Variants in ENDOD1 observed in about 807,000 individuals in gnomAD.
ENDOD1 encodes endonuclease domain containing 1.
A neutral mutation model predicts 6.5 loss-of-function variants in ENDOD1; 9 were observed. The observed-to-expected ratio is 1.39, with a 90% confidence interval of 0.84 to 2.43. The LOEUF (loss-of-function observed/expected upper bound fraction) is 2.43, where lower values mean the gene tolerates loss of function less well. Ranked by LOEUF, ENDOD1 falls within the 30% of genes most tolerant of loss-of-function variation. ENDOD1 has a pLI of 0.00. For synonymous variants in ENDOD1, 255 were observed against 255.2 expected, an observed-to-expected ratio of 1.00 and a Z score of 0.01; for missense variants, 648 against 635.5, an observed-to-expected ratio of 1.02 and a Z score of -0.21.
chr11:95,107,732 C>T (rs1555111555), intron 1 of ENDOD1, among the ~76,000 whole-genome samples: 1 of 152,074 alleles, frequency 6.6e-6, no homozygotes, highest in Non-Finnish European at 1.5e-5. Context: ...GCGATCTCGG[C>T]TCACTGCAAC....
At position 95,130,746 on chromosome 11, in the gene ENDOD1, A is replaced by G. The variant is rs1859363307; in HGVS notation, c.*1167A>G. 1 of 152,230 alleles carries G rather than the reference A, an allele frequency of 6.6e-6. No individual in the cohort carries two copies. Among genetic ancestry groups the G allele is most frequent in the African/African-American group, 2.4e-5 (1 of 41,470 alleles). 9.4% of individuals were successfully genotyped at this position (152,230 alleles called of 1,614,324 possible). A position where few individuals can be genotyped will look rare whatever the true frequency, so the allele number is the denominator to read the frequency against. On this transcript the variant is annotated 3_prime_UTR_variant, in exon 2 of 2. Transcript: ENST00000278505. ...ATTTTTACAGTGTGTTTGAGGCTAC[A>G]AACATAACTCCCCCATTAATACAAA...
intron 1 of ENDOD1, among the ~76,000 whole-genome samples, chr11:95,127,804 G>A (rs772799903): frequency 6.6e-6 from 1 of 151,620 alleles, no homozygotes; most frequent in South Asian, 2.1e-4. Flanking sequence ...CTGTTGCCCC[G>A]GCTGGAGTAA....
intron 1 of ENDOD1, among the ~76,000 whole-genome samples, chr11:95,111,773 G>A (rs1307981892): frequency 6.6e-6 from 1 of 152,134 alleles, no homozygotes; most frequent in African/African-American, 2.4e-5. Context: ...ACCAGTACTG[G>A]TCCATGGCCC....
chr11:95,117,074 A>G (rs1441471515), intron 1 of ENDOD1, among the ~76,000 whole-genome samples: 1 of 152,150 alleles, frequency 6.6e-6, no homozygotes, highest in Non-Finnish European at 1.5e-5. Context: ...ATCTTTAGCT[A>G]TTGTTGTATT....
chr11:95,103,920 A>G (rs1383398301), intron 1 of ENDOD1, among the ~76,000 whole-genome samples: 2 of 152,162 alleles, frequency 1.3e-5, no homozygotes, highest in African/African-American at 4.8e-5. Context: ...GACAGCTAGG[A>G]TGAGTGTAAT....
At chr11:95,114,926 A>G (rs1334751793) in intron 1 of ENDOD1, among the ~76,000 whole-genome samples, 1 of 152,124 alleles carries the variant, frequency 6.6e-6, no homozygotes, top group African/African-American at 2.4e-5. Context: ...GTCAGGTAGT[A>G]TGATTCCTCC....
At chr11:95,103,728 G>A (rs1028617730) in intron 1 of ENDOD1, among the ~76,000 whole-genome samples, 6 of 152,186 alleles carry the variant, frequency 3.9e-5, no homozygotes, top group Non-Finnish European at 8.8e-5. Context: ...ATCTCTTAGA[G>A]CTCAGTTCCC....
intron 1 of ENDOD1, among the ~76,000 whole-genome samples, chr11:95,113,153 T>C (rs1555112121): frequency 2.6e-5 from 4 of 152,154 alleles, no homozygotes; most frequent in African/African-American, 7.2e-5. Flanking sequence ...ACATGAGATA[T>C]TTTGATACAG....
Position 95,090,176 on chromosome 11 carries a change from C to G in ENDOD1, c.249C>G (p.Ala83=), listed in dbSNP as rs1191558313. 7.0e-7 allele frequency: 1 copy of G among 1,432,698 alleles called. No individual in the cohort carries two copies. The highest frequency in any genetic ancestry group is 1.5e-5 in the African/African-American group (1 of 67,882). The allele number at this position is 1,432,698 out of a possible 1,614,324, so 88.7% of individuals were successfully genotyped here. Residue 83 remains alanine (A), a synonymous_variant, in exon 1 of 2, where the codon GCC becomes GCG. Transcript: ENST00000278505. ...DRIPVYSAFR[A]PRPAPGGAEQ... Reference sequence around the variant, plus strand: ...TCCCCGTGTACTCCGCGTTCCGCGCCCCGCGCCCTGCGCCCGGCGGCGCCG... The same window carrying G: ...TCCCCGTGTACTCCGCGTTCCGCGCGCCGCGCCCTGCGCCCGGCGGCGCCG...
chr11:95,104,462 A>G (rs1555111248), intron 1 of ENDOD1, among the ~76,000 whole-genome samples: 1 of 151,866 alleles, frequency 6.6e-6, no homozygotes, highest in African/African-American at 2.4e-5. Context: ...AAAAAAAAAA[A>G]AAAAGAAAGA....
At chr11:95,099,105 G>A (rs977949237) in intron 1 of ENDOD1, among the ~76,000 whole-genome samples, 1 of 152,184 alleles carries the variant, frequency 6.6e-6, no homozygotes, top group African/African-American at 2.4e-5. Flanking sequence ...CCATTGGGCC[G>A]AGGGTGCTCT....
chr11:95,094,489 A>G (rs1021740319), intron 1 of ENDOD1, among the ~76,000 whole-genome samples: 1 of 152,182 alleles, frequency 6.6e-6, no homozygotes, highest in East Asian at 1.9e-4. Context: ...TGGCTGCATA[A>G]AGGTTGCTCA....
Position 95,089,921 on chromosome 11 carries a change from G to A in ENDOD1, c.-7G>A. 7.2e-7 allele frequency: 1 copy of A among 1,380,046 alleles called. No individual in the cohort carries two copies. Among genetic ancestry groups the A allele is most frequent in the Non-Finnish European group, 9.4e-7 (1 of 1,061,186 alleles). The allele number at this position is 1,380,046 out of a possible 1,614,324, so 85.5% of individuals were successfully genotyped here. On this transcript the variant is annotated 5_prime_UTR_variant, in exon 1 of 2. Transcript: ENST00000278505. ...CGCTCGGCCCCGCCGCGCTCGCAGA[G>A]GCCGCCATGGGCACCGCGCGCTGGC...
intron 1 of ENDOD1, among the ~76,000 whole-genome samples, chr11:95,096,337 G>T (rs1411328020): frequency 7.6e-6 from 1 of 131,234 alleles, no homozygotes; most frequent in Non-Finnish European, 1.6e-5. Context: ...ATCTGTCATA[G>T]TAATAATTCA....
intron 1 of ENDOD1, among the ~76,000 whole-genome samples, chr11:95,126,741 C>T (rs538720967): frequency 1.3e-5 from 2 of 152,256 alleles, no homozygotes; most frequent in East Asian, 3.9e-4. Context: ...AGTGCAGTTG[C>T]ACAGTCTCTG....
intron 1 of ENDOD1, among the ~76,000 whole-genome samples, chr11:95,110,987 A>T (rs1283164065): frequency 6.6e-6 from 1 of 152,116 alleles, no homozygotes; most frequent in Non-Finnish European, 1.5e-5. Flanking sequence ...CTAGCTCTAG[A>T]GAAGTTGAGA....
At chr11:95,090,320 G>C (rs1858916989) in intron 1 of ENDOD1, 93 bp downstream of exon 1, 2 of 1,340,330 alleles carry the variant, frequency 1.5e-6, no homozygotes, top group Admixed American at 7.5e-5. Context: ...GGGCGGGCCG[G>C]GAACAGCAAT....
intron 1 of ENDOD1, among the ~76,000 whole-genome samples, chr11:95,106,181 A>T (rs1310164968): frequency 1.3e-5 from 2 of 152,194 alleles, no homozygotes; most frequent in Non-Finnish European, 2.9e-5. Context: ...CCAGATGCAG[A>T]GTAGGGCAGA....
chr11:95,113,614 GCATATGTATGTACCACATTTTCTTTATT>G (rs60235067), intron 1 of ENDOD1, among the ~76,000 whole-genome samples: 2,221 of 152,234 alleles, frequency 0.015, 51 homozygotes, highest in African/African-American at 0.05. Context: ...ACTTCATTGT[GCATATGTATGTACCACATTTTCTTTATT>G]CATCTGTTGA....
Sources: allele counts gnomAD v4.1 joint callset (sites outside exome capture counted in the v4.1 genomes callset), GRCh38; gene constraint gnomAD v4.1.1; transcripts MANE v1.5; gene names NCBI Gene and HGNC (gene_info 2026-07-23, HGNC 2026-07-21).